Variants in PSEN1 observed in about 807,000 individuals in gnomAD.
PSEN1 encodes presenilin 1, also known as presenilin-1.
A neutral mutation model predicts 53.5 loss-of-function variants in PSEN1; 15 were observed. The observed-to-expected ratio is 0.28, with a 90% CI of 0.19 to 0.43. The LOEUF is 0.43. Among genes scored for constraint, PSEN1 ranks in the 20% least tolerant of loss-of-function variants. The probability of loss-of-function intolerance (pLI) is 1.00; values close to 1 mark genes in which losing one functional copy is unlikely to be tolerated. For synonymous variants in PSEN1, 208 were observed against 209.8 expected, an observed-to-expected ratio of 0.99 and a Z score of 0.08; for missense variants, 387 against 571.2, an observed-to-expected ratio of 0.68 and a Z score of 3.29.
Position 73,214,095 on chromosome 14 carries a change from A to T in PSEN1, c.1129+2153A>T, listed in dbSNP as rs1899812366. On this transcript the variant is annotated intron_variant, in intron 10 of 11. Transcript: ENST00000324501. ...AAACAACCCACATGTCTATTAACTG[A>T]TAAGTGGATAATAAATGTGGTATAT... 2.0e-5 allele frequency among the ~76,000 whole-genome samples: 3 copies of T among 152,366 alleles called. No homozygotes were observed. The South Asian group carries it at 6.2e-4, about 32-fold the overall frequency.
At position 73,138,972 on chromosome 14, in the gene PSEN1, A is replaced by G. The variant is rs1323991312; in HGVS notation, c.-136+2389A>G. ...ACAGAGCCAGACTCTGTCAAGAAAA[A>G]AAGAAAAAAAATGTAAAAAGAGGCT... On this transcript the variant is annotated intron_variant, in intron 1 of 11. Coordinates refer to ENST00000324501, the MANE Select transcript of PSEN1 (RefSeq NM_000021.4). 2.2e-5 allele frequency among the ~76,000 whole-genome samples: 3 copies of G among 136,346 alleles called. No homozygotes were observed. In the East Asian group the frequency reaches 7.1e-4, roughly 32 times the overall value. 89.4% of individuals were successfully genotyped at this position (136,346 alleles called of 152,430 possible).
chr14:73,195,151 G>T (rs1190712140), intron 7 of PSEN1, among the ~76,000 whole-genome samples: 1 of 152,102 alleles, frequency 6.6e-6, no homozygotes, highest in Non-Finnish European at 1.5e-5. Context: ...GAATGTCTGG[G>T]TTCAAATTCT....
intron 7 of PSEN1, among the ~76,000 whole-genome samples, chr14:73,197,257 G>A (rs951066772): frequency 6.6e-6 from 1 of 152,128 alleles, no homozygotes; most frequent in Non-Finnish European, 1.5e-5. Flanking sequence ...TCATGACAGA[G>A]AATGAAAGAA....
intron 3 of PSEN1, among the ~76,000 whole-genome samples, chr14:73,166,539 A>G (rs912497930): frequency 2.0e-5 from 3 of 152,244 alleles, no homozygotes; most frequent in African/African-American, 2.4e-5. Flanking sequence ...TATTGTGAAC[A>G]TTAATCAGCC....
At chr14:73,138,498 C>T (rs1169754824) in intron 1 of PSEN1, among the ~76,000 whole-genome samples, 2 of 149,754 alleles carry the variant, frequency 1.3e-5, no homozygotes, top group Admixed American at 6.7e-5. Flanking sequence ...CGATTACAGG[C>T]GTGAGCCACC....
At chr14:73,148,248 T>C in intron 3 of PSEN1, 142 bp downstream of exon 3, 1 of 712,478 alleles carries the variant, frequency 1.4e-6, no homozygotes. Flanking sequence ...CTTCAGCTGA[T>C]TGCTGGAGGA....
At chr14:73,218,039 C>T (rs543440369) in intron 11 of PSEN1, among the ~76,000 whole-genome samples, 9 of 149,872 alleles carry the variant, frequency 6.0e-5, no homozygotes, top group Non-Finnish European at 1.3e-4. Flanking sequence ...GTGCCTGCCT[C>T]GGCCTCCCAA....
At position 73,170,903 on chromosome 14, in the gene PSEN1, A is replaced by G. The variant is rs2040750047; in HGVS notation, c.194A>G (p.Gln65Arg). 2 of 1,614,110 alleles carry G rather than the reference A, an allele frequency of 1.2e-6. No homozygotes were observed. The highest frequency in any genetic ancestry group is 1.3e-5 in the African/African-American group (1 of 74,946). The change falls in exon 4 of 12, where the codon CAA becomes CGA. Residue 65 changes from glutamine to arginine, a missense_variant. This residue lies in a region of PSEN1 where 99 missense variants were observed against 101.5 expected (regional missense o/e 0.98). Coordinates refer to ENST00000324501, the MANE Select transcript of PSEN1 (RefSeq NM_000021.4). ...GGTAACTCCCGGCAGGTGGTGGAGCAAGATGAGGAAGAAGATGAGGAGCTG... is the reference window on the plus strand; with the variant it reads ...GGTAACTCCCGGCAGGTGGTGGAGCGAGATGAGGAAGAAGATGAGGAGCTG... The part of the protein sequence containing the change: ...PQGNSRQVVE[Q>R]DEEEDEELTL...
chr14:73,184,748 C>CA (rs1210756750), intron 5 of PSEN1, among the ~76,000 whole-genome samples: 2 of 144,698 alleles, frequency 1.4e-5, no homozygotes, highest in African/African-American at 2.6e-5. Context: ...GGGGGCTGAC[C>CA]CCCCCCACCT....
At chr14:73,203,359 A>T (rs575844523) in intron 8 of PSEN1, among the ~76,000 whole-genome samples, 1 of 152,176 alleles carries the variant, frequency 6.6e-6, no homozygotes, top group Non-Finnish European at 1.5e-5. Context: ...AAGTGCTGGG[A>T]TTACAGGCAT....
chr14:73,164,946 C>A (rs538277889), intron 3 of PSEN1, among the ~76,000 whole-genome samples: 61 of 152,262 alleles, frequency 4.0e-4, no homozygotes, highest in Non-Finnish European at 5.9e-4. Context: ...ACTTCTGTCA[C>A]AAAATTGTAC....
intron 9 of PSEN1, among the ~76,000 whole-genome samples, chr14:73,209,903 T>C (rs994601658): frequency 6.6e-6 from 1 of 152,290 alleles, no homozygotes; most frequent in East Asian, 1.9e-4. Context: ...TGTGGGACTT[T>C]CCCTCATATT....
intron 8 of PSEN1, chr14:73,206,050 A>C (rs1321190097): frequency 1.0e-5 from 3 of 296,436 alleles, no homozygotes; most frequent in Admixed American, 4.8e-5. Context: ...TTGTCCTGGA[A>C]TTTAGAACAT....
intron 3 of PSEN1, among the ~76,000 whole-genome samples, chr14:73,163,677 T>C (rs1897624469): frequency 6.6e-6 from 1 of 152,152 alleles, no homozygotes; most frequent in South Asian, 2.1e-4. Flanking sequence ...ATTCTCTCTC[T>C]ACCAGGAGGG....
chr14:73,195,697 T>C (rs1245676541), intron 7 of PSEN1, among the ~76,000 whole-genome samples: 1 of 152,120 alleles, frequency 6.6e-6, no homozygotes, highest in Non-Finnish European at 1.5e-5. Flanking sequence ...GCTCAAGCAG[T>C]CCTCCTGTCT....
chr14:73,138,320 G>A (rs1896807352), intron 1 of PSEN1, among the ~76,000 whole-genome samples: 2 of 151,532 alleles, frequency 1.3e-5, no homozygotes, highest in African/African-American at 2.4e-5. Flanking sequence ...CCGGGTTCAC[G>A]CCATTCTCCT....
intron 8 of PSEN1, among the ~76,000 whole-genome samples, chr14:73,202,125 A>G (rs1594746243): frequency 6.6e-6 from 1 of 151,478 alleles, no homozygotes; most frequent in Non-Finnish European, 1.5e-5. Flanking sequence ...GCTCACTGCA[A>G]CCTCCATCTC....
intron 9 of PSEN1, chr14:73,208,769 G>C: frequency 2.2e-6 from 1 of 446,716 alleles, no homozygotes; most frequent in Admixed American, 2.4e-5. Flanking sequence ...CCAGGCTTCA[G>C]GCTTTCCCTG....
intron 5 of PSEN1, among the ~76,000 whole-genome samples, chr14:73,185,024 C>T (rs565288158): frequency 3.2e-4 from 49 of 151,008 alleles, no homozygotes; most frequent in Non-Finnish European, 6.6e-4. Flanking sequence ...CGGGCAGAGA[C>T]GCTCCTCACT....
Sources: allele counts gnomAD v4.1 joint callset (sites outside exome capture counted in the v4.1 genomes callset), GRCh38; gene constraint gnomAD v4.1.1; regional missense constraint gnomAD v4.1.1; transcripts MANE v1.5; gene names NCBI Gene and HGNC (gene_info 2026-07-23, HGNC 2026-07-21).